The following ADK variants were observed in gnomAD, a reference collection of about 807,000 sequenced individuals.
The protein encoded by ADK is adenosine kinase.
ADK carries 24 observed loss-of-function variants against 44.7 expected under a neutral mutation model. The observed-to-expected ratio is 0.54, with a 90% confidence interval of 0.39 to 0.76. ADK has a LOEUF of 0.76. Ranked by LOEUF, ADK falls within the 30% of genes least tolerant of loss-of-function variation. The pLI, the probability that ADK is intolerant of heterozygous loss-of-function variation, is 0.00. For synonymous variants in ADK, 128 were observed against 142.6 expected, an observed-to-expected ratio of 0.90 and a Z score of 0.73; for missense variants, 321 against 425.1, an observed-to-expected ratio of 0.76 and a Z score of 2.15.
intron 2 of ADK, among the ~76,000 whole-genome samples, chr10:74,204,840 T>C (rs1843529372): frequency 6.6e-6 from 1 of 151,712 alleles, no homozygotes; most frequent in South Asian, 2.1e-4. Flanking sequence ...GGTCAGGAGT[T>C]CAAGTCATGC....
chr10:74,621,465 T>A (rs182488679), intron 9 of ADK, among the ~76,000 whole-genome samples: 1 of 152,342 alleles, frequency 6.6e-6, no homozygotes, highest in Admixed American at 6.5e-5. Flanking sequence ...CTGTTTTGGT[T>A]ACTATAGCTT....
intron 3 of ADK, among the ~76,000 whole-genome samples, chr10:74,302,104 TG>T (rs1344027440): frequency 0.013 from 288 of 22,534 alleles, 40 homozygotes; most frequent in African/African-American, 0.059. Flanking sequence ...TTTTTTTGTT[TG>T]TTTGTTTTTT....
intron 1 of ADK, among the ~76,000 whole-genome samples, chr10:74,193,862 G>A (rs796613757): frequency 2.6e-4 from 39 of 152,154 alleles, no homozygotes; most frequent in African/African-American, 9.4e-4. Context: ...GAATACAAAT[G>A]TAAATGAGAT....
Position 74,645,993 on chromosome 10 carries a change from T to C in ADK, c.878-24190T>C, listed in dbSNP as rs551900874. On this transcript the variant is annotated intron_variant, in intron 9 of 10. Transcript: ENST00000539909. ...TGAACATCTGCAACTTCGATCTTAT[T>C]AACAGAGGATAGAATGGAAGGCAGT... 3.3e-5 allele frequency among the ~76,000 whole-genome samples: 5 copies of C among 152,320 alleles called. No individual in the cohort carries two copies. The East Asian group carries it at 9.6e-4, about 29-fold the overall frequency.
chr10:74,633,605 A>G (rs1300873213), intron 9 of ADK, among the ~76,000 whole-genome samples: 1 of 152,244 alleles, frequency 6.6e-6, no homozygotes, highest in Admixed American at 6.5e-5. Context: ...AAGAGTGTAT[A>G]CAGAATTCCA....
intron 1 of ADK, among the ~76,000 whole-genome samples, chr10:74,179,194 T>C (rs964041790): frequency 1.3e-5 from 2 of 152,208 alleles, no homozygotes; most frequent in African/African-American, 4.8e-5. Context: ...TTTGAATGAG[T>C]TGGTCATCCT....
chr10:74,655,972 C>A, intron 9 of ADK: 1 of 693,140 alleles, frequency 1.4e-6, no homozygotes, highest in Admixed American at 1.8e-5. Flanking sequence ...GGCAAGGTGA[C>A]TCTGGACGTG....
intron 2 of ADK, among the ~76,000 whole-genome samples, chr10:74,223,689 A>G (rs144971348): frequency 1.3e-5 from 2 of 152,260 alleles, no homozygotes; most frequent in East Asian, 3.9e-4. Flanking sequence ...AAGATCCCTG[A>G]TCTAGTATTT....
chr10:74,379,318 T>G (rs1176651412), intron 4 of ADK, among the ~76,000 whole-genome samples: 1 of 152,184 alleles, frequency 6.6e-6, no homozygotes, highest in Non-Finnish European at 1.5e-5. Context: ...TGGAAATAGT[T>G]TGAGAACAGG....
Position 74,205,675 on chromosome 10 carries a change from C to CAAAAA in ADK, c.140+4853_140+4857dup, listed in dbSNP as rs11419041. On this transcript the variant is annotated intron_variant, in intron 2 of 10. Transcript: ENST00000539909. Reference sequence around the variant, plus strand: ...AGTGTGACAGCCTGAGAATCTGTCTCAAAAAAAAAAAAAAAAAAAAGAAAT... The same window carrying CAAAAA: ...AGTGTGACAGCCTGAGAATCTGTCTCAAAAAAAAAAAAAAAAAAAAAAAAAGAAAT... 3.8e-4 allele frequency among the ~76,000 whole-genome samples: 32 copies of CAAAAA among 85,152 alleles called. 1 individual carries two copies. The highest frequency in any genetic ancestry group is 8.4e-4 in the East Asian group (2 of 2,384). 55.9% of individuals were successfully genotyped at this position (85,152 alleles called of 152,430 possible). A position where few individuals can be genotyped will look rare whatever the true frequency, so the allele number is the denominator to read the frequency against.
chr10:74,359,357 G>A (rs545079465), intron 4 of ADK, among the ~76,000 whole-genome samples: 29 of 152,172 alleles, frequency 1.9e-4, no homozygotes, highest in Admixed American at 1.6e-3. Flanking sequence ...TGTGAAGAAT[G>A]CCTTTGGTAT....
chr10:74,242,661 C>T (rs1435480052), intron 3 of ADK, among the ~76,000 whole-genome samples: 1 of 152,156 alleles, frequency 6.6e-6, no homozygotes, highest in African/African-American at 2.4e-5. Context: ...AACTTCTATT[C>T]CTGTTTGCCT....
chr10:74,673,609 G>A (rs61862567), intron 10 of ADK, among the ~76,000 whole-genome samples: 56,487 of 152,052 alleles, frequency 0.37, 13,090 homozygotes, highest in Non-Finnish European at 0.52. Flanking sequence ...AAGCGTTACA[G>A]TGCCCTTTTA....
intron 6 of ADK, among the ~76,000 whole-genome samples, chr10:74,493,133 A>G (rs543499713): frequency 6.6e-6 from 1 of 152,250 alleles, no homozygotes; most frequent in African/African-American, 2.4e-5. Context: ...AAATTGGTTA[A>G]TAACACCCAA....
At chr10:74,191,564 A>T (rs1430476889) in intron 1 of ADK, among the ~76,000 whole-genome samples, 1 of 152,102 alleles carries the variant, frequency 6.6e-6, no homozygotes, top group African/African-American at 2.4e-5. Context: ...AACATTTTTA[A>T]TATATCTGTT....
At chr10:74,278,271 G>A (rs183253528) in intron 3 of ADK, among the ~76,000 whole-genome samples, 40 of 150,396 alleles carry the variant, frequency 2.7e-4, no homozygotes, top group African/African-American at 9.8e-4. Flanking sequence ...GGAGAACTGC[G>A]TGATCCTGAG....
chr10:74,587,794 C>T (rs993019840), intron 7 of ADK, among the ~76,000 whole-genome samples: 6 of 151,496 alleles, frequency 4.0e-5, no homozygotes, highest in Non-Finnish European at 8.8e-5. Flanking sequence ...ATATTGCCTC[C>T]CTTTTCTATC....
At chr10:74,639,113 T>C (rs1035530563) in intron 9 of ADK, among the ~76,000 whole-genome samples, 6 of 152,186 alleles carry the variant, frequency 3.9e-5, no homozygotes, top group Non-Finnish European at 5.9e-5. Flanking sequence ...TCAGCTGAGC[T>C]CTAATTACTG....
chr10:74,391,920 C>G (rs1158084710), intron 4 of ADK, among the ~76,000 whole-genome samples: 1 of 152,144 alleles, frequency 6.6e-6, no homozygotes, highest in Non-Finnish European at 1.5e-5. Flanking sequence ...TTGACTACTT[C>G]AGATACTTCC....
Sources: allele counts gnomAD v4.1 joint callset (sites outside exome capture counted in the v4.1 genomes callset), GRCh38; gene constraint gnomAD v4.1.1; transcripts MANE v1.5; gene names NCBI Gene and HGNC (gene_info 2026-07-23, HGNC 2026-07-21).